GLIS1: variants seen among roughly 807,000 people sequenced by gnomAD.
GLIS1 encodes the protein GLIS family zinc finger 1.
In GLIS1, 24 loss-of-function variants were observed where a neutral mutation model predicts 63.8. The ratio of observed to expected loss-of-function variants is 0.38; its 90% CI spans 0.27 to 0.53. The LOEUF (loss-of-function observed/expected upper bound fraction) is 0.53, where lower values mean the gene tolerates loss of function less well. Among genes scored for constraint, GLIS1 ranks in the 20% least tolerant of loss-of-function variants. GLIS1 has a pLI of 0.85. For synonymous variants in GLIS1, 450 were observed against 482.5 expected (o/e 0.93, Z 0.88); for missense variants, 1,036 against 1,074.1 (o/e 0.96, Z 0.50).
chr1:53,710,160 G>A (rs1040310424), intron 2 of GLIS1, among the ~76,000 whole-genome samples: 2 of 152,182 alleles, frequency 1.3e-5, no homozygotes, highest in South Asian at 4.1e-4. Context: ...GCTGCCCTAG[G>A]CTCTCCCAAG....
intron 2 of GLIS1, among the ~76,000 whole-genome samples, chr1:53,624,796 A>G (rs978967148): frequency 2.6e-5 from 4 of 152,208 alleles, no homozygotes; most frequent in African/African-American, 9.6e-5. Context: ...ATATATACAT[A>G]TATATCTCCA....
At position 53,634,447 on chromosome 1, in the gene GLIS1, C is replaced by T. The variant is rs540387576; in HGVS notation, c.260-34169G>A. Among the ~76,000 whole-genome samples the T allele has an allele frequency of 5.1e-4, 78 of 152,274 alleles. 2 individuals are homozygous for T. The South Asian group carries it at 0.016, about 31-fold the overall frequency. ...GGGGAAGGAAACCAGGCATGAGTGG[C>T]GTCCTGAAGCTGTGAGAAGGAAGCG... On this transcript the variant is annotated intron_variant, in intron 2 of 10. Coordinates refer to ENST00000628545, the MANE Select transcript of GLIS1 (RefSeq NM_001367484.1).
intron 4 of GLIS1, among the ~76,000 whole-genome samples, chr1:53,538,469 C>G (rs953348101): frequency 9.9e-5 from 15 of 152,170 alleles, no homozygotes; most frequent in African/African-American, 3.6e-4. Flanking sequence ...GTGCCAGAGT[C>G]CCAGCGCTCA....
intron 2 of GLIS1, among the ~76,000 whole-genome samples, chr1:53,653,275 A>G (rs1291085103): frequency 6.6e-6 from 1 of 152,222 alleles, no homozygotes; most frequent in Non-Finnish European, 1.5e-5. Flanking sequence ...GATGGGGACA[A>G]ACGAATGAAT....
chr1:53,731,878 C>T (rs1310707729), intron 2 of GLIS1, among the ~76,000 whole-genome samples: 2 of 152,350 alleles, frequency 1.3e-5, no homozygotes, highest in African/African-American at 2.4e-5. Flanking sequence ...TCCAAACCTT[C>T]CCAGCCCAGT....
chr1:53,582,869 G>A (rs1645099435), intron 4 of GLIS1, among the ~76,000 whole-genome samples: 1 of 152,208 alleles, frequency 6.6e-6, no homozygotes. Context: ...ACCTTCTGTT[G>A]TCCTGGACTC....
In GLIS1 at chr1:53,539,991, G is replaced by A. The variant is rs1644625911; in HGVS notation, c.1321-10039C>T. On this transcript the variant is annotated intron_variant, in intron 4 of 10. Coordinates refer to ENST00000628545, the MANE Select transcript of GLIS1 (RefSeq NM_001367484.1). This position sits in a 1 kb window ranked among gnomAD's most constrained non-coding sequence, Gnocchi z 5.0. Reference sequence around the variant, plus strand: ...CCATGCGGTGTCCTCTGCTCAAGGTGCCCCTGTTCACTGGCCAGTCCTCCT... The same window carrying A: ...CCATGCGGTGTCCTCTGCTCAAGGTACCCCTGTTCACTGGCCAGTCCTCCT... Among the ~76,000 whole-genome samples, 1 of 152,156 alleles carries A rather than the reference G, an allele frequency of 6.6e-6. No homozygotes were observed. Among genetic ancestry groups the A allele is most frequent in the Admixed American group, 6.5e-5 (1 of 15,282 alleles).
chr1:53,690,014 C>T (rs1646384884), intron 2 of GLIS1, among the ~76,000 whole-genome samples: 1 of 152,228 alleles, frequency 6.6e-6, no homozygotes, highest in Non-Finnish European at 1.5e-5. Context: ...TCTCTCACAC[C>T]TTGCACTGGG....
intron 2 of GLIS1, among the ~76,000 whole-genome samples, chr1:53,717,405 C>T (rs1023406649): frequency 8.5e-5 from 13 of 152,202 alleles, no homozygotes; most frequent in African/African-American, 3.1e-4. Flanking sequence ...ACTCACCTTT[C>T]TCACCAAGCC....
chr1:53,600,026 G>A, intron 3 of GLIS1, 75 bp downstream of exon 3: 11 of 833,902 alleles, frequency 1.3e-5, no homozygotes, highest in Non-Finnish European at 1.4e-5. Flanking sequence ...CAGCTAAAAA[G>A]AGGAGGTGAG....
In GLIS1 at chr1:53,520,638, G is replaced by A. The variant is rs551482935; in HGVS notation, c.1722C>T (p.Leu574=). 29 of 1,607,576 alleles carry A rather than the reference G, an allele frequency of 1.8e-5. No homozygotes were observed. The highest frequency in any genetic ancestry group is 2.4e-5 in the Non-Finnish European group (28 of 1,177,418). Residue 574 remains leucine (L), a synonymous_variant, in exon 7 of 11, where the codon CTC becomes CTT. Coordinates refer to ENST00000628545, the MANE Select transcript of GLIS1 (RefSeq NM_001367484.1). The part of the protein sequence containing the change: ...KGGCGLGQEL[L]PGVYPGSITP... ...CCTGCCTCCCCGCACACGTACCTGGGAGCAGCTCCTGGCCCAGGCCACAGC... is the reference window on the plus strand; with the variant it reads ...CCTGCCTCCCCGCACACGTACCTGGAAGCAGCTCCTGGCCCAGGCCACAGC...
chr1:53,568,034 AG>A (rs1228571252), intron 4 of GLIS1, among the ~76,000 whole-genome samples: 2 of 152,236 alleles, frequency 1.3e-5, no homozygotes, highest in African/African-American at 4.8e-5. Context: ...CCCAGAATGG[AG>A]ATCCACTGAC....
intron 4 of GLIS1, among the ~76,000 whole-genome samples, chr1:53,533,103 A>G (rs1239675527): frequency 3.3e-5 from 5 of 152,246 alleles, no homozygotes; most frequent in African/African-American, 1.2e-4. Context: ...GTTGTTCCCT[A>G]GGCCTGGAAT....
At chr1:53,630,681 G>A (rs1305939595) in intron 2 of GLIS1, among the ~76,000 whole-genome samples, 1 of 152,098 alleles carries the variant, frequency 6.6e-6, no homozygotes, top group African/African-American at 2.4e-5. Flanking sequence ...ATTTTTAGTA[G>A]AGATGGGGTT....
At chr1:53,577,749 T>C (rs547138075) in intron 4 of GLIS1, among the ~76,000 whole-genome samples, 1 of 152,230 alleles carries the variant, frequency 6.6e-6, no homozygotes, top group East Asian at 1.9e-4. Flanking sequence ...CTTGGACAGA[T>C]AGCCTGTGGT....
At chr1:53,704,359 A>C (rs1248131911) in intron 2 of GLIS1, among the ~76,000 whole-genome samples, 1 of 152,274 alleles carries the variant, frequency 6.6e-6, no homozygotes, top group Non-Finnish European at 1.5e-5. Context: ...ACAGATGAAG[A>C]AATCAGGGCA....
At chr1:53,642,275 T>A (rs760371153) in intron 2 of GLIS1, among the ~76,000 whole-genome samples, 4 of 152,236 alleles carry the variant, frequency 2.6e-5, no homozygotes, top group African/African-American at 4.8e-5. Context: ...AGCTTGGCAA[T>A]CTGGGATCAG....
chr1:53,648,166 C>T (rs905178544), intron 2 of GLIS1, among the ~76,000 whole-genome samples: 1 of 151,566 alleles, frequency 6.6e-6, no homozygotes, highest in African/African-American at 2.4e-5. Flanking sequence ...AAAGTGAAAC[C>T]CTGTCTCAAA....
chr1:53,585,084 T>A (rs1645121402), intron 4 of GLIS1, among the ~76,000 whole-genome samples: 1 of 152,226 alleles, frequency 6.6e-6, no homozygotes, highest in Non-Finnish European at 1.5e-5. Context: ...GTGTTTTTTA[T>A]CCTTAATTTT....
Sources: gnomAD v4.1 joint callset for allele counts (sites outside exome capture counted in the v4.1 genomes callset) on GRCh38, gnomAD v4.1.1 for gene constraint, Gnocchi (gnomAD v3.1) non-coding constraint, MANE v1.5 for transcripts, NCBI Gene and HGNC (gene_info 2026-07-23, HGNC 2026-07-21) for gene names.